Variants in TMC2 observed in about 807,000 individuals in gnomAD.
The protein encoded by TMC2 is transmembrane channel-like protein 2.
In TMC2, 102 loss-of-function variants were observed where a neutral mutation model predicts 105.9. The ratio of observed to expected loss-of-function variants is 0.96; its 90% CI spans 0.82 to 1.14. The LOEUF (loss-of-function observed/expected upper bound fraction) is 1.14, where lower values mean the gene tolerates loss of function less well. Ranked by LOEUF, TMC2 falls within the 50% of genes most tolerant of loss-of-function variation. TMC2 has a pLI of 0.00. For missense variants in TMC2, 1,093 were observed against 1,134.3 expected, an observed-to-expected ratio of 0.96 and a Z score of 0.52; for synonymous variants, 402 against 422.8, an observed-to-expected ratio of 0.95 and a Z score of 0.60.
chr20:2,537,311 A>C lies in TMC2; in HGVS notation c.77A>C (p.His26Pro), dbSNP rs1422889452. 1.9e-6 allele frequency: 3 copies of C among 1,600,468 alleles called. No homozygotes were observed. In the African/African-American group the frequency reaches 4.0e-5, roughly 21 times the overall value. Residue 26 changes from histidine (H) to proline (P), a missense_variant, in exon 2 of 20, where the codon CAC becomes CCC. Physicochemically the swap from His to Pro is moderately conservative, Grantham distance 77 (BLOSUM62 -2). Coordinates refer to ENST00000358864, the MANE Select transcript of TMC2 (RefSeq NM_080751.3). ...GGGCGGGTGAAGAGCGGCTCTCCAC[A>C]CACAGGTGAGATGGGGTGGTGGGGT... ...VKGRVKSGSP[H>P]TGDRLGRRSS...
In TMC2 at chr20:2,612,165, C is replaced by T. The variant is rs777487998; in HGVS notation, c.1594-26C>T. 5 of 1,570,886 alleles carry T rather than the reference C, an allele frequency of 3.2e-6. No homozygotes were observed. In the South Asian group the frequency reaches 5.9e-5, roughly 18 times the overall value. ...TTGGACCATCCCTAGCTCCTTCCTA[C>T]CCCACACCTCCATCTTCTGTTCTAG... On this transcript the variant is annotated intron_variant, in intron 12 of 19. Coordinates refer to ENST00000358864, the MANE Select transcript of TMC2 (RefSeq NM_080751.3).
intron 12 of TMC2, among the ~76,000 whole-genome samples, chr20:2,611,254 G>A (rs1248145553): frequency 6.6e-6 from 1 of 152,136 alleles, no homozygotes; most frequent in Non-Finnish European, 1.5e-5. Context: ...AGCAAAGGAG[G>A]GCCCGATGAT....
At chr20:2,625,171 G>A (rs934368142) in intron 17 of TMC2, among the ~76,000 whole-genome samples, 3 of 152,136 alleles carry the variant, frequency 2.0e-5, no homozygotes, top group Non-Finnish European at 4.4e-5. Flanking sequence ...TAGTAAAAAT[G>A]TTAGCATTTT....
intron 2 of TMC2, among the ~76,000 whole-genome samples, chr20:2,551,035 A>G (rs1010848454): frequency 8.5e-5 from 13 of 152,162 alleles, no homozygotes; most frequent in African/African-American, 2.9e-4. Context: ...TGGTCAATCT[A>G]TGTTTAGTTT....
intron 5 of TMC2, among the ~76,000 whole-genome samples, chr20:2,578,850 TAC>T (rs1166145583): frequency 6.6e-6 from 1 of 152,230 alleles, no homozygotes; most frequent in Non-Finnish European, 1.5e-5. Flanking sequence ...TCAGAAATCG[TAC>T]AGAGAATTTC....
intron 19 of TMC2, 60 bp downstream of exon 19, chr20:2,637,651 C>A: frequency 1.7e-6 from 2 of 1,174,142 alleles, no homozygotes; most frequent in Non-Finnish European, 2.5e-6. Flanking sequence ...TGTAAAGAGC[C>A]TATGAAACAG....
intron 11 of TMC2, among the ~76,000 whole-genome samples, chr20:2,606,881 TTTC>T (rs1433225139): frequency 8.5e-6 from 1 of 117,662 alleles, no homozygotes; most frequent in Non-Finnish European, 1.6e-5. Flanking sequence ...TTTCCCTTAA[TTTC>T]TTTTTTCTTT....
intron 4 of TMC2, among the ~76,000 whole-genome samples, chr20:2,571,107 A>G (rs1453063081): frequency 6.6e-6 from 1 of 152,230 alleles, no homozygotes; most frequent in Non-Finnish European, 1.5e-5. Context: ...ATTTACGACT[A>G]AGTCCTCAAT....
intron 2 of TMC2, among the ~76,000 whole-genome samples, chr20:2,550,150 A>G (rs1214512388): frequency 6.6e-6 from 1 of 151,126 alleles, no homozygotes; most frequent in Non-Finnish European, 1.5e-5. Context: ...ACCAGACTGC[A>G]CTCCAGCCTG....
intron 10 of TMC2, among the ~76,000 whole-genome samples, chr20:2,597,613 G>A (rs538153046): frequency 1.3e-4 from 20 of 151,852 alleles, no homozygotes; most frequent in Admixed American, 7.2e-4. Context: ...TCAGCCTCCC[G>A]AGTAGCTGGG....
chr20:2,551,999 C>G (rs2085959550), intron 2 of TMC2, among the ~76,000 whole-genome samples: 1 of 151,996 alleles, frequency 6.6e-6, no homozygotes, highest in Admixed American at 6.6e-5. Context: ...TAGCTCACGC[C>G]TATAATCCCA....
intron 2 of TMC2, among the ~76,000 whole-genome samples, chr20:2,548,638 C>CAA (rs148686160): frequency 3.3e-4 from 45 of 136,100 alleles, no homozygotes; most frequent in Middle Eastern, 3.8e-3. Flanking sequence ...AACTCCATCT[C>CAA]AAAAAAAAAA....
In TMC2 at chr20:2,613,372, T is replaced by C. The variant is rs765851343; in HGVS notation, c.1872+50T>C. ...CCGCACAAAGGAATTTCAACTATCT[T>C]CTTTGATACTTATAGCCAGATGCAT... is the stretch of plus-strand genomic sequence containing the variant. On this transcript the variant is annotated intron_variant, in intron 14 of 19. Coordinates refer to ENST00000358864, the MANE Select transcript of TMC2 (RefSeq NM_080751.3). 7 of 1,612,260 alleles carry C rather than the reference T, an allele frequency of 4.3e-6. No homozygotes were observed. In the South Asian group the frequency reaches 7.7e-5, roughly 18 times the overall value.
At chr20:2,577,836 A>C (rs1398817040) in intron 5 of TMC2, among the ~76,000 whole-genome samples, 3 of 152,086 alleles carry the variant, frequency 2.0e-5, no homozygotes, top group African/African-American at 7.2e-5. Context: ...TCAAGGCTGC[A>C]GTGAGCCATG....
At chr20:2,546,921 C>A (rs1482736573) in intron 2 of TMC2, among the ~76,000 whole-genome samples, 1 of 152,056 alleles carries the variant, frequency 6.6e-6, no homozygotes, top group Non-Finnish European at 1.5e-5. Context: ...ATTCTAAAAG[C>A]TTTGGTCAAA....
At chr20:2,590,070 C>G (rs912835407) in intron 7 of TMC2, among the ~76,000 whole-genome samples, 4 of 152,028 alleles carry the variant, frequency 2.6e-5, no homozygotes, top group East Asian at 3.9e-4. Flanking sequence ...TGCAATATTA[C>G]GTAACAGTGA....
intron 5 of TMC2, among the ~76,000 whole-genome samples, chr20:2,577,200 C>T (rs2086153240): frequency 6.6e-6 from 1 of 151,838 alleles, no homozygotes; most frequent in South Asian, 2.1e-4. Flanking sequence ...GAGCAACCGT[C>T]CCCAGCCTGT....
intron 7 of TMC2, among the ~76,000 whole-genome samples, chr20:2,583,261 A>G (rs1047544018): frequency 2.0e-5 from 3 of 152,194 alleles, no homozygotes; most frequent in Non-Finnish European, 4.4e-5. Flanking sequence ...AGAATATAGA[A>G]TGGTTAGGTT....
At position 2,641,222 on chromosome 20, in the gene TMC2, A is replaced by C; in HGVS notation, c.2592A>C (p.Thr864=). 1 of 1,614,070 alleles carries C rather than the reference A, an allele frequency of 6.2e-7. No homozygotes were observed. Among genetic ancestry groups the C allele is most frequent in the Non-Finnish European group, 8.5e-7 (1 of 1,180,026 alleles). ...CCTCCAATTCTGCCAGCAGGACCAC[A>C]CTGCCTGCCTCTGGACACCTTCCTA... ...PGTSNSASRT[T]LPASGHLPIS... Residue 864 remains threonine (T), a synonymous_variant, in exon 20 of 20, where the codon ACA becomes ACC. Coordinates refer to ENST00000358864, the MANE Select transcript of TMC2 (RefSeq NM_080751.3).
Sources: gnomAD v4.1 joint callset for allele counts (sites outside exome capture counted in the v4.1 genomes callset) on GRCh38, gnomAD v4.1.1 for gene constraint, MANE v1.5 for transcripts, NCBI Gene and HGNC (gene_info 2026-07-23, HGNC 2026-07-21) for gene names.